Variants in DTNA observed in about 807,000 individuals in gnomAD.
DTNA encodes dystrobrevin alpha.
In DTNA, 43 loss-of-function variants were observed where a neutral mutation model predicts 100.7. The ratio of observed to expected loss-of-function variants is 0.43; its 90% CI spans 0.33 to 0.55. DTNA has a LOEUF of 0.55. Among genes scored for constraint, DTNA ranks in the 20% least tolerant of loss-of-function variants. DTNA has a pLI of 0.04. For synonymous variants in DTNA, 349 were observed against 347.9 expected (o/e 1.00, Z -0.04); for missense variants, 798 against 953.9 (o/e 0.84, Z 2.15).
chr18:34,875,621 T>C (rs535097855), intron 18 of DTNA, among the ~76,000 whole-genome samples: 1 of 152,316 alleles, frequency 6.6e-6, no homozygotes, highest in East Asian at 1.9e-4. Context: ...CTGCCTTATT[T>C]TTTAGTAAGT....
In DTNA at chr18:34,827,643, T is replaced by A. The variant is rs773115353; in HGVS notation, c.1052T>A (p.Val351Asp). The A allele has an allele frequency of 2.5e-6, 4 of 1,613,924 alleles. No individual in the cohort carries two copies. The highest frequency in any genetic ancestry group is 3.4e-6 in the Non-Finnish European group (4 of 1,179,840). ...AACGACACCCTGTTCTCCCACTCTGTTCCCTCCTCAGGAAGTCCTTTTATT... is the reference window on the plus strand; with the variant it reads ...AACGACACCCTGTTCTCCCACTCTGATCCCTCCTCAGGAAGTCCTTTTATT... The part of the protein sequence containing the change: ...SMNDTLFSHS[V>D]PSSGSPFITR... The change falls in exon 10 of 23, where the codon GTT becomes GAT. Residue 351 changes from valine to aspartate, a missense_variant. By Grantham distance (152) the Val-to-Asp change is radical (BLOSUM62 -3). Coordinates refer to ENST00000444659, the MANE Select transcript of DTNA (RefSeq NM_001386795.1).
At chr18:34,873,391 G>T (rs893242845) in intron 17 of DTNA, among the ~76,000 whole-genome samples, 13 of 152,220 alleles carry the variant, frequency 8.5e-5, no homozygotes, top group Non-Finnish European at 1.5e-4. Context: ...AGGCTCAGGA[G>T]CCTTGCTAAG....
At chr18:34,564,970 C>T (rs1040405687) in intron 1 of DTNA, among the ~76,000 whole-genome samples, 2 of 152,140 alleles carry the variant, frequency 1.3e-5, no homozygotes, top group Admixed American at 1.3e-4. Flanking sequence ...ATTTAGGAAT[C>T]CTGCCTTAAT....
chr18:34,629,707 CA>C, intron 1 of DTNA, among the ~76,000 whole-genome samples: 1 of 152,302 alleles, frequency 6.6e-6, no homozygotes, highest in Non-Finnish European at 1.5e-5. Context: ...TACCTGTGGT[CA>C]ACTACAACCC....
chr18:34,601,283 AG>A (rs1385774654), intron 1 of DTNA, among the ~76,000 whole-genome samples: 3 of 152,196 alleles, frequency 2.0e-5, no homozygotes, highest in Non-Finnish European at 4.4e-5. Flanking sequence ...AGAAATTTTT[AG>A]GAGAAAGGTA....
intron 1 of DTNA, among the ~76,000 whole-genome samples, chr18:34,625,001 T>C (rs1266131932): frequency 6.6e-6 from 1 of 151,964 alleles, no homozygotes; most frequent in Non-Finnish European, 1.5e-5. Flanking sequence ...CCTGAGTAGC[T>C]GAGACTACAG....
At chr18:34,676,131 G>T (rs926956935) in intron 1 of DTNA, among the ~76,000 whole-genome samples, 2 of 152,076 alleles carry the variant, frequency 1.3e-5, no homozygotes, top group Non-Finnish European at 2.9e-5. Context: ...TAATAAACGT[G>T]TATGCTTTAC....
intron 1 of DTNA, among the ~76,000 whole-genome samples, chr18:34,754,408 T>A (rs1208613327): frequency 1.3e-5 from 2 of 152,238 alleles, no homozygotes; most frequent in Non-Finnish European, 2.9e-5. Context: ...ATTGCTTTTA[T>A]GCTTCGGTAT....
intron 1 of DTNA, among the ~76,000 whole-genome samples, chr18:34,625,354 G>T (rs940401591): frequency 2.0e-5 from 3 of 152,056 alleles, no homozygotes. Context: ...TGTATTTTTA[G>T]TAGAGACGGG....
intron 3 of DTNA, among the ~76,000 whole-genome samples, chr18:34,777,197 G>A (rs2094104221): frequency 6.6e-6 from 1 of 151,920 alleles, no homozygotes; most frequent in Admixed American, 6.5e-5. Context: ...GGCTTCTTTG[G>A]GCAAAGATCA....
intron 1 of DTNA, among the ~76,000 whole-genome samples, chr18:34,586,149 C>A (rs1166039855): frequency 1.3e-5 from 2 of 152,166 alleles, no homozygotes; most frequent in East Asian, 3.9e-4. Flanking sequence ...AAAACAACAG[C>A]AAGTTTGAAA....
In DTNA at chr18:34,605,637, A is replaced by G. The variant is rs1452792356; in HGVS notation, c.-2+112123A>G. On this transcript the variant is annotated intron_variant, in intron 1 of 19. Transcript: ENST00000283365. ...ACCATCAAAATTGCAACTCAGGCAC[A>G]CACACACACACACACACACACACAC... Among the ~76,000 whole-genome samples, 23 of 92,318 alleles carry G rather than the reference A, an allele frequency of 2.5e-4. 1 individual carries two copies. Among genetic ancestry groups the G allele is most frequent in the African/African-American group, 8.1e-4 (18 of 22,124 alleles). The allele number at this position is 92,318 out of a possible 152,430, so 60.6% of individuals were successfully genotyped here. A position where few individuals can be genotyped will look rare whatever the true frequency, so the allele number is the denominator to read the frequency against.
intron 11 of DTNA, among the ~76,000 whole-genome samples, chr18:34,834,530 T>C (rs1049188824): frequency 6.6e-6 from 1 of 151,438 alleles, no homozygotes; most frequent in Non-Finnish European, 1.5e-5. Flanking sequence ...TTTATTTGGC[T>C]CATGGTTCTG....
intron 1 of DTNA, among the ~76,000 whole-genome samples, chr18:34,541,415 G>T (rs914384324): frequency 2.6e-5 from 4 of 152,080 alleles, no homozygotes; most frequent in Non-Finnish European, 5.9e-5. Context: ...GCCAGGTGGA[G>T]ATAATTGAAT....
chr18:34,838,686 T>G, intron 12 of DTNA, 59 bp from the exon 13 acceptor site: 1 of 1,450,020 alleles, frequency 6.9e-7, no homozygotes, highest in African/African-American at 1.4e-5. Flanking sequence ...CTACCTCCTC[T>G]ACTTATTTCT....
At chr18:34,874,648 T>G (rs531471613) in intron 17 of DTNA, among the ~76,000 whole-genome samples, 1 of 151,604 alleles carries the variant, frequency 6.6e-6, no homozygotes, top group East Asian at 1.9e-4. Flanking sequence ...CTTCTTCTTC[T>G]TCTTCCCCAT....
At position 34,829,359 on chromosome 18, in the gene DTNA, A is replaced by T. The variant is rs777864417; in HGVS notation, c.1086-41A>T. 3.3e-6 allele frequency: 5 copies of T among 1,534,578 alleles called. No individual in the cohort carries two copies. In the South Asian group the frequency reaches 4.8e-5, roughly 15 times the overall value. On this transcript the variant is annotated intron_variant, in intron 10 of 22. Coordinates refer to ENST00000444659, the MANE Select transcript of DTNA (RefSeq NM_001386795.1). ...TCTCTGAGTGGGCCTTGCTCTGTCC[A>T]TGGGAAGTTTTAATGAGGTCTCATT... is the stretch of plus-strand genomic sequence containing the variant.
At chr18:34,700,508 C>T (rs1271183696) in intron 1 of DTNA, among the ~76,000 whole-genome samples, 1 of 152,162 alleles carries the variant, frequency 6.6e-6, no homozygotes, top group Admixed American at 6.5e-5. Flanking sequence ...TAGTTTATCC[C>T]TTGTACAAGC....
At chr18:34,774,469 T>G (rs1176077112) in intron 3 of DTNA, among the ~76,000 whole-genome samples, 4 of 152,246 alleles carry the variant, frequency 2.6e-5, no homozygotes, top group Non-Finnish European at 5.9e-5. Flanking sequence ...TCACCTGGGT[T>G]CACTCCTCAC....
Sources: gnomAD v4.1 joint callset for allele counts (sites outside exome capture counted in the v4.1 genomes callset) on GRCh38, gnomAD v4.1.1 for gene constraint, MANE v1.5 for transcripts, NCBI Gene and HGNC (gene_info 2026-07-23, HGNC 2026-07-21) for gene names.